Variants in PTPN14 observed in about 807,000 individuals in gnomAD.
PTPN14 encodes protein tyrosine phosphatase non-receptor type 14.
A neutral mutation model predicts 126.8 loss-of-function variants in PTPN14; 53 were observed. That is an observed-to-expected ratio of 0.42 (90% CI 0.34 to 0.53). The LOEUF is 0.53. Among genes scored for constraint, PTPN14 ranks in the 20% least tolerant of loss-of-function variants. The probability of loss-of-function intolerance (pLI) is 0.08; values close to 1 mark genes in which losing one functional copy is unlikely to be tolerated. For missense variants in PTPN14, 1,257 were observed against 1,552.9 expected, an observed-to-expected ratio of 0.81 and a Z score of 3.20; for synonymous variants, 630 against 599.3, an observed-to-expected ratio of 1.05 and a Z score of -0.75.
chr1:214,525,267 T>A (rs79047493), intron 1 of PTPN14, among the ~76,000 whole-genome samples: 2,190 of 152,294 alleles, frequency 0.014, 16 homozygotes, highest in South Asian at 0.026. Flanking sequence ...CTAAACCTCT[T>A]ACCCCAACCA....
At chr1:214,464,452 T>G (rs1447338256) in intron 2 of PTPN14, among the ~76,000 whole-genome samples, 178 bp downstream of exon 2, 1 of 152,182 alleles carries the variant, frequency 6.6e-6, no homozygotes, top group East Asian at 1.9e-4. Context: ...CCCCATCCAA[T>G]GATGGATAAG....
intron 17 of PTPN14, among the ~76,000 whole-genome samples, chr1:214,369,064 T>A (rs1441979213): frequency 6.6e-6 from 1 of 152,220 alleles, no homozygotes; most frequent in Non-Finnish European, 1.5e-5. Context: ...TGACCTTGCC[T>A]ATTCTAGGAA....
intron 2 of PTPN14, among the ~76,000 whole-genome samples, chr1:214,456,938 T>A (rs532104977): frequency 6.6e-6 from 1 of 152,234 alleles, no homozygotes; most frequent in African/African-American, 2.4e-5. Context: ...CAAATACACA[T>A]ATATACTGAC....
At chr1:214,495,482 A>G (rs1486784326) in intron 1 of PTPN14, among the ~76,000 whole-genome samples, 3 of 152,156 alleles carry the variant, frequency 2.0e-5, no homozygotes, top group African/African-American at 7.2e-5. Flanking sequence ...CAAACTAAGT[A>G]CCATTAAGGA....
intron 14 of PTPN14, among the ~76,000 whole-genome samples, chr1:214,377,722 T>C (rs1658375104): frequency 6.6e-6 from 1 of 152,126 alleles, no homozygotes; most frequent in African/African-American, 2.4e-5. Flanking sequence ...TAGGGGCTGA[T>C]GGTTTTAGTC....
At chr1:214,466,768 G>A (rs1030589769) in intron 1 of PTPN14, among the ~76,000 whole-genome samples, 28 of 152,054 alleles carry the variant, frequency 1.8e-4, no homozygotes, top group Admixed American at 1.6e-3. Flanking sequence ...TCCATCTGCC[G>A]ACACAGGATT....
At chr1:214,547,446 C>T (rs1040009586) in intron 1 of PTPN14, among the ~76,000 whole-genome samples, 5 of 152,282 alleles carry the variant, frequency 3.3e-5, no homozygotes, top group Middle Eastern at 3.4e-3. Context: ...CATTCCCTTC[C>T]GCTTTGAGGT....
chr1:214,364,531 T>C lies in PTPN14; in HGVS notation c.3416A>G (p.Tyr1139Cys), dbSNP rs781124543. 6.2e-6 allele frequency: 10 copies of C among 1,613,950 alleles called. No homozygotes were observed. The highest frequency in any genetic ancestry group is 3.3e-5 in the Admixed American group (2 of 59,988). Residue 1139 changes from tyrosine (Y) to cysteine (C), a missense_variant, in exon 18 of 19, where the codon TAC becomes TGC. Around this residue, in one of 3 missense-constraint regions of PTPN14, gnomAD observed 171 missense variants for 229.8 expected, o/e 0.74. Coordinates refer to ENST00000366956, the MANE Select transcript of PTPN14 (RefSeq NM_005401.5). This position sits in a 1 kb window ranked among gnomAD's most constrained non-coding sequence, Gnocchi z 4.1. ...GVLILSELMI[Y>C]CLEHNEKVEV... ...ACTCACTTCGTTATGTTCCAAGCAG[T>C]AGATCATCAGCTCAGAAAGAATGAG...
At position 214,384,052 on chromosome 1, in the gene PTPN14, C is replaced by A. The variant is rs770203527; in HGVS notation, c.1803G>T (p.Lys601Asn). The change falls in exon 13 of 19, where the codon AAG becomes AAT. Residue 601 changes from lysine to asparagine, a missense_variant. Physicochemically the swap from Lys to Asn is moderately conservative, Grantham distance 94 (BLOSUM62 0). Coordinates refer to ENST00000366956, the MANE Select transcript of PTPN14 (RefSeq NM_005401.5). The surrounding 1 kb of genome is among the most constrained non-coding windows in gnomAD (Gnocchi z 5.3). ...SGSSPDLVTR[K>N]VQLSVKTFQE... Reference sequence around the variant, plus strand: ...GGAAGGTCTTCACCGAGAGCTGCACCTTCCGGGTCACCAGGTCCGGGCTGC... The same window carrying A: ...GGAAGGTCTTCACCGAGAGCTGCACATTCCGGGTCACCAGGTCCGGGCTGC... 1 of 1,585,882 alleles carries A rather than the reference C, an allele frequency of 6.3e-7. No individual in the cohort carries two copies. Among genetic ancestry groups the A allele is most frequent in the Non-Finnish European group, 8.6e-7 (1 of 1,168,362 alleles).
At chr1:214,428,306 TA>T (rs1236951112) in intron 3 of PTPN14, among the ~76,000 whole-genome samples, 5 of 152,306 alleles carry the variant, frequency 3.3e-5, no homozygotes, top group South Asian at 2.1e-4. Context: ...GCAACTAAAC[TA>T]AACCTTTCAG....
chr1:214,482,910 C>G, intron 1 of PTPN14: 1 of 1,592,778 alleles, frequency 6.3e-7, no homozygotes, highest in Admixed American at 1.7e-5. Flanking sequence ...TGATACAGCA[C>G]AGGCTGGAGC....
At position 214,356,457 on chromosome 1, in the gene PTPN14, AG is replaced by A. The variant is rs1400549750; in HGVS notation, c.*1464del. ...ATCAAAGCTGTACTCAAGAAAAGGT[AG>A]ACATAGAATGATAAATCCCCCAAAA... On this transcript the variant is annotated 3_prime_UTR_variant, in exon 19 of 19. Coordinates refer to ENST00000366956, the MANE Select transcript of PTPN14 (RefSeq NM_005401.5). 5 of 152,246 alleles carry A rather than the reference AG, an allele frequency of 3.3e-5. No homozygotes were observed. The highest frequency in any genetic ancestry group is 2.6e-4 in the Admixed American group (4 of 15,286). 9.4% of individuals were successfully genotyped at this position (152,246 alleles called of 1,614,324 possible).
intron 10 of PTPN14, among the ~76,000 whole-genome samples, chr1:214,391,344 CCATT>C (rs1283834647): frequency 6.6e-6 from 1 of 151,632 alleles, no homozygotes; most frequent in Admixed American, 6.6e-5. Flanking sequence ...AAAAATATCA[CCATT>C]ATTACATGGA....
At chr1:214,367,079 A>T (rs1256638221) in intron 17 of PTPN14, among the ~76,000 whole-genome samples, 1 of 152,168 alleles carries the variant, frequency 6.6e-6, no homozygotes, top group Non-Finnish European at 1.5e-5. Context: ...AAAGTGCCTT[A>T]TAAGCTCACT....
At position 214,547,910 on chromosome 1, in the gene PTPN14, G is replaced by GAA. The variant is rs57550281; in HGVS notation, c.-155+3271_-155+3272dup. Among the ~76,000 whole-genome samples the GAA allele has an allele frequency of 4.0e-3, 506 of 125,534 alleles. 5 individuals are homozygous for GAA. The highest frequency in any genetic ancestry group is 0.013 in the African/African-American group (482 of 36,442). The allele number at this position is 125,534 out of a possible 152,430, so 82.4% of individuals were successfully genotyped here. A position where few individuals can be genotyped will look rare whatever the true frequency, so the allele number is the denominator to read the frequency against. Reference sequence around the variant, plus strand: ...CATGTTTATTTTGAGCCAATAGACTGAAAAAAAAAAAAAAGTCAAAAACAA... The same window carrying GAA: ...CATGTTTATTTTGAGCCAATAGACTGAAAAAAAAAAAAAAAAGTCAAAAACAA... On this transcript the variant is annotated intron_variant, in intron 1 of 18. Coordinates refer to ENST00000366956, the MANE Select transcript of PTPN14 (RefSeq NM_005401.5).
intron 1 of PTPN14, among the ~76,000 whole-genome samples, chr1:214,467,670 C>T (rs768644561): frequency 3.3e-5 from 5 of 152,176 alleles, no homozygotes; most frequent in Non-Finnish European, 7.3e-5. Flanking sequence ...CTACATTGTT[C>T]TAGCATCTTA....
chr1:214,410,363 C>T (rs1200048359), intron 5 of PTPN14, among the ~76,000 whole-genome samples: 3 of 149,902 alleles, frequency 2.0e-5, no homozygotes, highest in East Asian at 3.9e-4. Flanking sequence ...GGCACAATCT[C>T]GGCTCACTGC....
Position 214,524,898 on chromosome 1 carries a change from T to C in PTPN14, c.-155+26285A>G, listed in dbSNP as rs1158639713. Among the ~76,000 whole-genome samples, 3 of 152,264 alleles carry C rather than the reference T, an allele frequency of 2.0e-5. No individual in the cohort carries two copies. In the South Asian group the frequency reaches 6.2e-4, roughly 32 times the overall value. ...AGCCCAGAATTTGAAACACCCCAAG[T>C]GTCTCAAATTATTTCAAAATAAGTT... On this transcript the variant is annotated intron_variant, in intron 1 of 18. Coordinates refer to ENST00000366956, the MANE Select transcript of PTPN14 (RefSeq NM_005401.5).
chr1:214,376,176 C>T (rs1459784600), intron 15 of PTPN14, 43 bp downstream of exon 15: 1 of 1,567,596 alleles, frequency 6.4e-7, no homozygotes, highest in African/African-American at 1.4e-5. Flanking sequence ...TCCCTTTAAC[C>T]CAGCCATCTT....
Sources: allele counts gnomAD v4.1 joint callset (sites outside exome capture counted in the v4.1 genomes callset), GRCh38; gene constraint gnomAD v4.1.1; regional missense constraint gnomAD v4.1.1; non-coding constraint Gnocchi (gnomAD v3.1); transcripts MANE v1.5; gene names NCBI Gene and HGNC (gene_info 2026-07-23, HGNC 2026-07-21).